Variants in WWOX observed in about 807,000 individuals in gnomAD.
WWOX encodes the protein WW domain-containing oxidoreductase.
Under a neutral mutation model 46.2 loss-of-function variants are expected in WWOX, and 69 were observed. That is an observed-to-expected ratio of 1.49 (90% CI 1.23 to 1.82). WWOX has a LOEUF of 1.82. WWOX is among the 40% of genes most tolerant of loss of function. The pLI, the probability that WWOX is intolerant of heterozygous loss-of-function variation, is 0.00. For missense variants in WWOX, 919 were observed against 542.6 expected (o/e 1.69, Z -6.89); for synonymous variants, 359 against 202.6 (o/e 1.77, Z -6.56).
At chr16:78,577,145 C>G (rs1176770341) in intron 8 of WWOX, among the ~76,000 whole-genome samples, 1 of 151,886 alleles carries the variant, frequency 6.6e-6, no homozygotes, top group Admixed American at 6.5e-5. Flanking sequence ...TAGGGTTGGG[C>G]TGAAACTTAA....
At chr16:78,213,534 C>T (rs997929618) in intron 5 of WWOX, among the ~76,000 whole-genome samples, 4 of 151,514 alleles carry the variant, frequency 2.6e-5, no homozygotes, top group Admixed American at 6.6e-5. Flanking sequence ...AGTGGCAATG[C>T]GAATGGCATC....
intron 1 of WWOX, among the ~76,000 whole-genome samples, chr16:78,105,779 C>A (rs966040897): frequency 2.0e-5 from 3 of 152,120 alleles, no homozygotes; most frequent in Non-Finnish European, 2.9e-5. Context: ...TCAGCTTCCA[C>A]TGTTAAGGGT....
intron 8 of WWOX, among the ~76,000 whole-genome samples, chr16:78,950,676 G>C (rs1342476040): frequency 6.6e-6 from 1 of 151,964 alleles, no homozygotes; most frequent in African/African-American, 2.4e-5. Flanking sequence ...TTTTCCTTGG[G>C]TCAGTACTTT....
intron 8 of WWOX, among the ~76,000 whole-genome samples, chr16:78,752,369 C>T (rs2049504420): frequency 1.3e-5 from 2 of 152,184 alleles, no homozygotes; most frequent in Non-Finnish European, 2.9e-5. Flanking sequence ...CTTACTGCAA[C>T]CTCTGCCTCC....
At chr16:78,591,329 A>G (rs1220004194) in intron 8 of WWOX, among the ~76,000 whole-genome samples, 6 of 152,306 alleles carry the variant, frequency 3.9e-5, no homozygotes, top group East Asian at 3.9e-4. Context: ...TCAAATTTAC[A>G]TAGCCTCAAA....
chr16:78,860,444 G>C (rs2052689397), intron 8 of WWOX, among the ~76,000 whole-genome samples: 1 of 152,104 alleles, frequency 6.6e-6, no homozygotes, highest in African/African-American at 2.4e-5. Context: ...AGATCACAAT[G>C]AATTGGCTAG....
chr16:78,845,546 C>A (rs998019782), intron 8 of WWOX, among the ~76,000 whole-genome samples: 1 of 152,128 alleles, frequency 6.6e-6, no homozygotes, highest in South Asian at 2.1e-4. Context: ...GTAATTTTCC[C>A]CCAAAAGCAA....
At chr16:79,120,339 C>T (rs904976504) in intron 8 of WWOX, among the ~76,000 whole-genome samples, 13 of 152,188 alleles carry the variant, frequency 8.5e-5, no homozygotes, top group Non-Finnish European at 1.9e-4. Context: ...ATTTACCCTA[C>T]AGAGCTGAAC....
intron 5 of WWOX, among the ~76,000 whole-genome samples, chr16:78,309,085 C>T (rs1347878588): frequency 6.6e-6 from 1 of 152,198 alleles, no homozygotes. Context: ...AATTACCAAT[C>T]TGAAAATCCT....
At chr16:79,000,893 T>C (rs945643400) in intron 8 of WWOX, among the ~76,000 whole-genome samples, 1 of 152,230 alleles carries the variant, frequency 6.6e-6, no homozygotes, top group East Asian at 1.9e-4. Flanking sequence ...GTTGCACTTA[T>C]TTGTGTGATG....
At chr16:78,757,073 G>T (rs986293084) in intron 8 of WWOX, 3 of 700,658 alleles carry the variant, frequency 4.3e-6, no homozygotes, top group Admixed American at 2.0e-5. Flanking sequence ...TGAGGTGATT[G>T]CAGCCTTTGC....
At chr16:78,166,560 C>A (rs928168630) in intron 5 of WWOX, among the ~76,000 whole-genome samples, 1 of 148,632 alleles carries the variant, frequency 6.7e-6, no homozygotes, top group African/African-American at 2.4e-5. Context: ...TTTTCTTTTT[C>A]TTTTTTATTT....
chr16:79,119,184 G>A (rs1432965669), intron 8 of WWOX, among the ~76,000 whole-genome samples: 1 of 128,712 alleles, frequency 7.8e-6, no homozygotes, highest in African/African-American at 3.5e-5. Context: ...AGTATTGAGT[G>A]CTCATTAAAA....
At chr16:78,312,577 G>A (rs994154130) in intron 5 of WWOX, among the ~76,000 whole-genome samples, 3 of 152,168 alleles carry the variant, frequency 2.0e-5, no homozygotes, top group Non-Finnish European at 4.4e-5. Context: ...GTTTCACCAC[G>A]TTGGCTAGGC....
rs369806363 is a variant in WWOX, at chr16:78,452,237, C to T, written c.1056+19485C>T. On this transcript the variant is annotated intron_variant, in intron 8 of 8. Coordinates refer to ENST00000566780, the MANE Select transcript of WWOX (RefSeq NM_016373.4). ...TGTCCGCACTCATAAAAAGAGATTG[C>T]GTAACACCCTTTGAACAAATGGATA... is the stretch of plus-strand genomic sequence containing the variant. Among the ~76,000 whole-genome samples the T allele has an allele frequency of 1.1e-4, 16 of 152,242 alleles. No homozygotes were observed. The South Asian group carries it at 2.5e-3, about 24-fold the overall frequency.
chr16:78,129,493 G>A (rs1293904291), intron 4 of WWOX, among the ~76,000 whole-genome samples: 1 of 151,984 alleles, frequency 6.6e-6, no homozygotes, highest in Non-Finnish European at 1.5e-5. Flanking sequence ...TAATCTTATG[G>A]GACTGCCGTT....
chr16:78,135,499 G>C (rs954880746), intron 4 of WWOX, among the ~76,000 whole-genome samples: 1 of 152,096 alleles, frequency 6.6e-6, no homozygotes, highest in East Asian at 1.9e-4. Context: ...ATGTTGTTTA[G>C]ATATTATTAT....
At chr16:78,106,418 TTTG>T (rs1429132347) in intron 1 of WWOX, among the ~76,000 whole-genome samples, 9 of 146,348 alleles carry the variant, frequency 6.1e-5, no homozygotes, top group Admixed American at 1.4e-4. Flanking sequence ...ACGGTTTTTT[TTTG>T]TTTTTTTTTT....
intron 8 of WWOX, among the ~76,000 whole-genome samples, chr16:78,624,983 C>T (rs908037673): frequency 6.6e-6 from 1 of 152,112 alleles, no homozygotes; most frequent in Non-Finnish European, 1.5e-5. Flanking sequence ...TGGTTAATGT[C>T]CCCGCTGACC....
Sources: allele counts gnomAD v4.1 joint callset (sites outside exome capture counted in the v4.1 genomes callset), GRCh38; gene constraint gnomAD v4.1.1; transcripts MANE v1.5; gene names NCBI Gene and HGNC (gene_info 2026-07-23, HGNC 2026-07-21).